Variants in SUCO observed in about 807,000 individuals in gnomAD.
SUCO encodes SUN domain containing ossification factor, also known as SUN domain-containing ossification factor.
Under a neutral mutation model 148.1 loss-of-function variants are expected in SUCO, and 57 were observed. That is an observed-to-expected ratio of 0.38 (90% CI 0.31 to 0.48). The LOEUF is 0.48. SUCO is among the 20% of genes least tolerant of loss of function. The pLI is 0.96. For missense variants in SUCO, 1,331 were observed against 1,468.2 expected, an observed-to-expected ratio of 0.91 and a Z score of 1.53; for synonymous variants, 470 against 502.7, an observed-to-expected ratio of 0.93 and a Z score of 0.87.
chr1:172,585,727 T>C (rs10752995), intron 16 of SUCO, 131 bp from the exon 17 acceptor site: 2 of 620,356 alleles, frequency 3.2e-6, no homozygotes, highest in African/African-American at 3.7e-5. Flanking sequence ...CTTTGATTTT[T>C]TAAGAAAAAG....
chr1:172,598,788 A>G (rs77565065), intron 19 of SUCO, among the ~76,000 whole-genome samples: 3,089 of 152,286 alleles, frequency 0.02, 108 homozygotes, highest in African/African-American at 0.071. Flanking sequence ...ACTGTCTTGA[A>G]TTCATCAGAG....
At chr1:172,608,391 G>T (rs1657992692) in intron 22 of SUCO, 1 of 263,262 alleles carries the variant, frequency 3.8e-6, no homozygotes, top group South Asian at 4.7e-5. Flanking sequence ...TGTAGGTTTG[G>T]TGTGAGCTTA....
chr1:172,582,152 T>C (rs993803609), intron 15 of SUCO, among the ~76,000 whole-genome samples: 4 of 152,178 alleles, frequency 2.6e-5, no homozygotes, highest in Non-Finnish European at 5.9e-5. Flanking sequence ...TTGGTTTTTG[T>C]TAAAATCACC....
At chr1:172,574,977 AT>A (rs1220433487) in intron 10 of SUCO, 3 of 802,098 alleles carry the variant, frequency 3.7e-6, no homozygotes, top group Non-Finnish European at 4.5e-6. Flanking sequence ...AGTAAAGTGT[AT>A]TTTTTTAACG....
chr1:172,590,963 A>G, intron 18 of SUCO, 21 bp from the exon 19 acceptor site: 2 of 1,553,774 alleles, frequency 1.3e-6, no homozygotes, highest in Non-Finnish European at 1.8e-6. Context: ...AAGCTGATTT[A>G]GACCAATTCT....
Position 172,569,092 on chromosome 1 carries a change from C to A in SUCO, c.806C>A (p.Pro269Gln). 6.3e-7 allele frequency: 1 copy of A among 1,586,072 alleles called. No individual in the cohort carries two copies. The highest frequency in any genetic ancestry group is 8.6e-7 in the Non-Finnish European group (1 of 1,167,064). ...AGTCCCAAAGATCCAGAAGATATACCAACATTTGATGAATGGAAGAAGAAA... is the reference window on the plus strand; with the variant it reads ...AGTCCCAAAGATCCAGAAGATATACAAACATTTGATGAATGGAAGAAGAAA... ...VASPKDPEDI[P>Q]TFDEWKKKVM... is the part of the protein sequence containing the mutation. The change falls in exon 7 of 24, where the codon CCA becomes CAA. Residue 269 changes from proline to glutamine, a missense_variant. Coordinates refer to ENST00000263688, the MANE Select transcript of SUCO (RefSeq NM_014283.5).
At chr1:172,575,475 G>A (rs767350226) in intron 10 of SUCO, 43 bp from the exon 11 acceptor site, 1 of 1,391,184 alleles carries the variant, frequency 7.2e-7, no homozygotes. Flanking sequence ...TCAATATGTG[G>A]TTTATAATTT....
intron 6 of SUCO, among the ~76,000 whole-genome samples, chr1:172,559,157 C>T (rs1219390540): frequency 6.6e-6 from 1 of 152,130 alleles, no homozygotes; most frequent in Non-Finnish European, 1.5e-5. Context: ...ATCTGTGAGA[C>T]ACTGATTGCC....
At chr1:172,571,530 A>C (rs1163559014) in intron 9 of SUCO, among the ~76,000 whole-genome samples, 1 of 147,982 alleles carries the variant, frequency 6.8e-6, no homozygotes, top group Non-Finnish European at 1.5e-5. Flanking sequence ...ATCGTCTGGG[A>C]CGTGAGGAGC....
chr1:172,608,864 G>T, intron 23 of SUCO, 62 bp downstream of exon 23: 2 of 1,141,644 alleles, frequency 1.8e-6, no homozygotes, highest in Non-Finnish European at 2.6e-6. Flanking sequence ...GAAGAAAAGA[G>T]GTTGAAAGGT....
intron 19 of SUCO, among the ~76,000 whole-genome samples, chr1:172,596,809 C>T (rs952777733): frequency 6.6e-6 from 1 of 152,210 alleles, no homozygotes; most frequent in African/African-American, 2.4e-5. Flanking sequence ...CTACTCTCTT[C>T]AAAGCTGTCA....
chr1:172,569,363 A>G (rs1654779108), intron 7 of SUCO: 5 of 968,184 alleles, frequency 5.2e-6, no homozygotes, highest in Admixed American at 6.2e-5. Flanking sequence ...GTAAATTATT[A>G]AGTGAGCATA....
rs1308662374 is a variant in SUCO at position 172,557,408 on chromosome 1, C to T, written c.572C>T (p.Pro191Leu). Residue 191 changes from proline (P) to leucine (L), a missense_variant, in exon 5 of 24, where the codon CCA becomes CTA. By Grantham distance (98) the Pro-to-Leu change is moderately conservative (BLOSUM62 -3). This residue lies in a region of SUCO where 992 missense variants were observed against 1,093.5 expected (regional missense o/e 0.91). Transcript: ENST00000263688. Reference protein sequence around the residue: ...APIEQPSFVSPPDSLVGQHIE... With the variant: ...APIEQPSFVSLPDSLVGQHIE... ...ATTGAACAACCTTCCTTTGTCAGTC[C>T]ACCTGACAGGTGGGTAGGAGCAGTT... The T allele has an allele frequency of 2.5e-6, 4 of 1,613,902 alleles. No individual in the cohort carries two copies. The highest frequency in any genetic ancestry group is 2.5e-6 in the Non-Finnish European group (3 of 1,179,864).
chr1:172,539,355 G>A (rs1652267270), intron 1 of SUCO, among the ~76,000 whole-genome samples: 1 of 152,072 alleles, frequency 6.6e-6, no homozygotes. Flanking sequence ...CCAGTTGTAT[G>A]TTATGTTTTT....
At chr1:172,554,290 C>T (rs1286887026) in intron 3 of SUCO, among the ~76,000 whole-genome samples, 10 of 152,090 alleles carry the variant, frequency 6.6e-5, no homozygotes, top group Non-Finnish European at 1.0e-4. Flanking sequence ...ACACTCCTAC[C>T]GTTATTCATA....
rs1412765769 is a variant in SUCO at position 172,583,319 on chromosome 1, T to C, written c.1499-1699T>C. 3.3e-5 allele frequency among the ~76,000 whole-genome samples: 5 copies of C among 152,292 alleles called. No individual in the cohort carries two copies. The East Asian group carries it at 5.8e-4, about 18-fold the overall frequency. On this transcript the variant is annotated intron_variant, in intron 15 of 23. Coordinates refer to ENST00000263688, the MANE Select transcript of SUCO (RefSeq NM_014283.5). ...TCAAAGGGCAATATTAAAAATGTTATTTAAACATTTTAAAATGGCAAATAT... is the reference window on the plus strand; with the variant it reads ...TCAAAGGGCAATATTAAAAATGTTACTTAAACATTTTAAAATGGCAAATAT...
In SUCO at chr1:172,609,983, T is replaced by G. The variant is rs1658112810; in HGVS notation, c.3489T>G (p.Ser1163=). The G allele has an allele frequency of 6.2e-7, 1 of 1,614,014 alleles. No homozygotes were observed. The highest frequency in any genetic ancestry group is 8.5e-7 in the Non-Finnish European group (1 of 1,179,910). Residue 1163 remains serine, a synonymous_variant, in exon 24 of 24, where the codon TCT becomes TCG. Transcript: ENST00000263688. ...VYHSSYKGPP[S]EGSSETSSQS... ...ACTCTTCTTATAAAGGTCCTCCATC[T>G]GAAGGAAGCTCAGAAACTTCATCAC...
At chr1:172,578,423 A>T in intron 14 of SUCO, 34 bp downstream of exon 14, 10 of 1,577,568 alleles carry the variant, frequency 6.3e-6, no homozygotes, top group Non-Finnish European at 8.7e-6. Flanking sequence ...TGTTAGGTAT[A>T]TTTTTTTTAC....
intron 6 of SUCO, among the ~76,000 whole-genome samples, chr1:172,562,979 C>T (rs1654295508): frequency 6.6e-6 from 1 of 152,190 alleles, no homozygotes; most frequent in African/African-American, 2.4e-5. Flanking sequence ...CTCTCTTCCT[C>T]CTGCACTGCC....
Sources: allele counts gnomAD v4.1 joint callset (sites outside exome capture counted in the v4.1 genomes callset), GRCh38; gene constraint gnomAD v4.1.1; regional missense constraint gnomAD v4.1.1; transcripts MANE v1.5; gene names NCBI Gene and HGNC (gene_info 2026-07-23, HGNC 2026-07-21).